TMEM127: variants seen among roughly 807,000 people sequenced by gnomAD.
TMEM127 encodes the protein transmembrane protein 127.
A neutral mutation model predicts 20.1 loss-of-function variants in TMEM127; 21 were observed. The ratio of observed to expected loss-of-function variants is 1.04; its 90% CI spans 0.74 to 1.50. The LOEUF (loss-of-function observed/expected upper bound fraction) is 1.50. Among genes scored for constraint, TMEM127 ranks in the 40% most tolerant of loss-of-function variants. The pLI is 0.00. For missense variants in TMEM127, 303 were observed against 317.4 expected, an observed-to-expected ratio of 0.95 and a Z score of 0.34; for synonymous variants, 150 against 144.7, an observed-to-expected ratio of 1.04 and a Z score of -0.26.
chr2:96,255,085 C>T lies in TMEM127; in HGVS notation c.245-88G>A, dbSNP rs958944529. ...TAGAAGGAGTTTGATTCCCCTCCAC[C>T]ACAGTCCTGGGAGCCAGGGCAGTTC... On this transcript the variant is annotated intron_variant, in intron 2 of 3. Transcript: ENST00000258439. 3 of 1,557,044 alleles carry T rather than the reference C, an allele frequency of 1.9e-6. No homozygotes were observed. The African/African-American group carries it at 4.1e-5, about 21-fold the overall frequency.
In TMEM127 at chr2:96,265,387, G is replaced by A. The variant is rs1684399183; in HGVS notation, c.-6C>T. On this transcript the variant is annotated 5_prime_UTR_variant, in exon 2 of 4. Coordinates refer to ENST00000258439, the MANE Select transcript of TMEM127 (RefSeq NM_017849.4). ...GCGCCTCCGGGGGCGTACATGCCCGGGGCCGCCCGCCGTCGCTCCGCAGTC... is the reference window on the plus strand; with the variant it reads ...GCGCCTCCGGGGGCGTACATGCCCGAGGCCGCCCGCCGTCGCTCCGCAGTC... The A allele has an allele frequency of 2.2e-6, 3 of 1,374,562 alleles. No individual in the cohort carries two copies. The highest frequency in any genetic ancestry group is 2.8e-6 in the Non-Finnish European group (3 of 1,070,296). 85.1% of individuals were successfully genotyped at this position (1,374,562 alleles called of 1,614,324 possible).
rs78586005 is a variant in TMEM127, at chr2:96,255,577, T to C, written c.245-580A>G. Among the ~76,000 whole-genome samples, 335 of 152,302 alleles carry C rather than the reference T, an allele frequency of 2.2e-3. 3 individuals are homozygous for C. Among genetic ancestry groups the C allele is most frequent in the East Asian group, 0.016 (83 of 5,186 alleles). ...CAGTTTATAGAGACAGAAAATATAA[T>C]GGTGGTTGCCAGCAGGTAGGGAGAG... is the stretch of plus-strand genomic sequence containing the variant. On this transcript the variant is annotated intron_variant, in intron 2 of 3. Coordinates refer to ENST00000258439, the MANE Select transcript of TMEM127 (RefSeq NM_017849.4).
chr2:96,265,231 G>T lies in TMEM127; in HGVS notation c.151C>A (p.Pro51Thr). Residue 51 changes from proline to threonine, a missense_variant, in exon 2 of 4, where the codon CCC (proline) becomes ACC (threonine). By Grantham distance (38) the Pro-to-Thr change is conservative (BLOSUM62 -1). Coordinates refer to ENST00000258439, the MANE Select transcript of TMEM127 (RefSeq NM_017849.4). ...CCTCCGTGGATGTGCAACCAGGCGG[G>T]CTCGGCGAGGGCAGTGCACAGCGCC... The part of the protein sequence containing the change: ...ITALCTALAE[P>T]AWLHIHGGTC... The T allele has an allele frequency of 6.2e-7, 1 of 1,601,162 alleles. No homozygotes were observed. Among genetic ancestry groups the T allele is most frequent in the South Asian group, 1.1e-5 (1 of 89,582 alleles).
intron 1 of TMEM127, 44 bp from the exon 2 acceptor site, chr2:96,265,556 CTGACGGAGACGGGGA>C: frequency 1.3e-6 from 1 of 790,512 alleles, no homozygotes; most frequent in African/African-American, 1.8e-5. Context: ...GGACCCGGGG[CTGACGGAGACGGGGA>C]GGGCTGCGGG....
At chr2:96,256,571 C>CAA (rs1234363746) in intron 2 of TMEM127, among the ~76,000 whole-genome samples, 9 of 54,604 alleles carry the variant, frequency 1.6e-4, no homozygotes, top group African/African-American at 2.7e-4. Context: ...AACTCTGTCT[C>CAA]AAAAAAAAAA....
chr2:96,254,841 A>G lies in TMEM127; in HGVS notation c.401T>C (p.Ile134Thr). Residue 134 changes from isoleucine (I) to threonine (T), a missense_variant, in exon 3 of 4, where the codon ATC (isoleucine) becomes ACC (threonine). Transcript: ENST00000258439. ...KITRRYAFAH[I>T]LTVLQCATVI... Reference sequence around the variant, plus strand: ...GCAGGCTCACGGCTTACCCGTTAGGATATGGGCGAAGGCATAGCGACGAGT... The same window carrying G: ...GCAGGCTCACGGCTTACCCGTTAGGGTATGGGCGAAGGCATAGCGACGAGT... 1 of 1,614,100 alleles carries G rather than the reference A, an allele frequency of 6.2e-7. No individual in the cohort carries two copies. Among genetic ancestry groups the G allele is most frequent in the Non-Finnish European group, 8.5e-7 (1 of 1,179,984 alleles).
At chr2:96,255,519 A>G (rs1430445497) in intron 2 of TMEM127, among the ~76,000 whole-genome samples, 5 of 152,232 alleles carry the variant, frequency 3.3e-5, no homozygotes, top group Admixed American at 2.0e-4. Context: ...CAAATATTTT[A>G]TAATTCCACT....
intron 2 of TMEM127, among the ~76,000 whole-genome samples, chr2:96,259,823 C>T (rs1199546817): frequency 2.0e-5 from 3 of 152,244 alleles, no homozygotes; most frequent in Non-Finnish European, 2.9e-5. Flanking sequence ...TCAGCTGACA[C>T]CGTGCCCATG....
rs1684112817 is a variant in TMEM127 at position 96,252,408 on chromosome 2, AG to A, written c.*1399del. 4 of 233,510 alleles carry A rather than the reference AG, an allele frequency of 1.7e-5. No individual in the cohort carries two copies. In the East Asian group the frequency reaches 2.4e-4, roughly 14 times the overall value. The allele number at this position is 233,510 out of a possible 1,614,324, so 14.5% of individuals were successfully genotyped here. On this transcript the variant is annotated 3_prime_UTR_variant, in exon 4 of 4. Transcript: ENST00000258439. The surrounding 1 kb of genome is among the most constrained non-coding windows in gnomAD (Gnocchi z 4.2). ...GGTTGGCCATCTGGATCTACACTGA[AG>A]GTCTTTCAAGTTTCATCCACTTTAT...
chr2:96,263,581 G>A (rs978059260), intron 2 of TMEM127, among the ~76,000 whole-genome samples: 49 of 152,108 alleles, frequency 3.2e-4, no homozygotes, highest in African/African-American at 1.2e-3. Context: ...ACACCAAAGT[G>A]AAATAATTAT....
chr2:96,254,275 T>C (rs1304408004), intron 3 of TMEM127, among the ~76,000 whole-genome samples, 160 bp from the exon 4 acceptor site: 1 of 152,212 alleles, frequency 6.6e-6, no homozygotes, highest in Non-Finnish European at 1.5e-5. Context: ...ATGGGATTCC[T>C]GGCCTGAGGT....
chr2:96,264,419 T>C (rs901742941), intron 2 of TMEM127, among the ~76,000 whole-genome samples: 2 of 152,198 alleles, frequency 1.3e-5, no homozygotes, highest in Admixed American at 1.3e-4. Context: ...TTGGGGTACA[T>C]TGATCATTGT....
In TMEM127 at chr2:96,251,767, AAG is replaced by A. The variant is rs1004183233; in HGVS notation, c.*2039_*2040del. On this transcript the variant is annotated 3_prime_UTR_variant, in exon 4 of 4. Coordinates refer to ENST00000258439, the MANE Select transcript of TMEM127 (RefSeq NM_017849.4). ...TATCAGTGTCAGGATGGCAGAGGGA[AAG>A]AGAAAGAAGAGGAAGGCCAAAGACA... The A allele has an allele frequency of 4.3e-6, 1 of 232,658 alleles. No individual in the cohort carries two copies. Among genetic ancestry groups the A allele is most frequent in the African/African-American group, 2.2e-5 (1 of 45,118 alleles). 14.4% of individuals were successfully genotyped at this position (232,658 alleles called of 1,614,324 possible). A position where few individuals can be genotyped will look rare whatever the true frequency, so the allele number is the denominator to read the frequency against.
At chr2:96,256,069 G>A (rs965869300) in intron 2 of TMEM127, among the ~76,000 whole-genome samples, 8 of 150,166 alleles carry the variant, frequency 5.3e-5, no homozygotes, top group Admixed American at 3.3e-4. Flanking sequence ...TCAGAAGATC[G>A]AGACCATCTT....
chr2:96,262,584 G>A (rs530411781), intron 2 of TMEM127, among the ~76,000 whole-genome samples: 1 of 152,342 alleles, frequency 6.6e-6, no homozygotes, highest in East Asian at 1.9e-4. Flanking sequence ...AGGCAAGCAA[G>A]TAGAAACTAT....
intron 2 of TMEM127, among the ~76,000 whole-genome samples, chr2:96,264,583 A>G (rs1381891668): frequency 6.6e-6 from 1 of 152,114 alleles, no homozygotes; most frequent in African/African-American, 2.4e-5. Flanking sequence ...GAACAAAGCA[A>G]CCTTGCCTCT....
rs1246595894 is a variant in TMEM127 at position 96,252,919 on chromosome 2, C to T, written c.*889G>A. On this transcript the variant is annotated 3_prime_UTR_variant, in exon 4 of 4. Coordinates refer to ENST00000258439, the MANE Select transcript of TMEM127 (RefSeq NM_017849.4). The surrounding 1 kb of genome is among the most constrained non-coding windows in gnomAD (Gnocchi z 4.2). Reference sequence around the variant, plus strand: ...CTGGGAGAGACTCGGGGAGGGACTACCATGGGCTTGGAAGGAGCTACAGCC... The same window carrying T: ...CTGGGAGAGACTCGGGGAGGGACTATCATGGGCTTGGAAGGAGCTACAGCC... 3 of 233,296 alleles carry T rather than the reference C, an allele frequency of 1.3e-5. No individual in the cohort carries two copies. Among genetic ancestry groups the T allele is most frequent in the African/African-American group, 6.6e-5 (3 of 45,316 alleles). The allele number at this position is 233,296 out of a possible 1,614,324, so 14.5% of individuals were successfully genotyped here. A position where few individuals can be genotyped will look rare whatever the true frequency, so the allele number is the denominator to read the frequency against.
rs897899740 is a variant in TMEM127, at chr2:96,252,623, G to A, written c.*1185C>T. On this transcript the variant is annotated 3_prime_UTR_variant, in exon 4 of 4. Coordinates refer to ENST00000258439, the MANE Select transcript of TMEM127 (RefSeq NM_017849.4). The surrounding 1 kb of genome is among the most constrained non-coding windows in gnomAD (Gnocchi z 4.2). ...GCACTGGGTCTGAAGGACACAGCCC[G>A]GCCTGCTGGGCTGACAGTGTGGGTC... 1.2e-4 allele frequency: 28 copies of A among 233,814 alleles called. No homozygotes were observed. The highest frequency in any genetic ancestry group is 6.8e-5 in the Non-Finnish European group (8 of 118,204). The allele number at this position is 233,814 out of a possible 1,614,324, so 14.5% of individuals were successfully genotyped here.
intron 2 of TMEM127, among the ~76,000 whole-genome samples, chr2:96,259,871 G>A (rs1466118323): frequency 6.6e-6 from 1 of 152,256 alleles, no homozygotes; most frequent in African/African-American, 2.4e-5. Context: ...ACCAGAGGCT[G>A]TTTCAGCTGG....
Sources: allele counts gnomAD v4.1 joint callset (sites outside exome capture counted in the v4.1 genomes callset), GRCh38; gene constraint gnomAD v4.1.1; non-coding constraint Gnocchi (gnomAD v3.1); transcripts MANE v1.5; gene names NCBI Gene and HGNC (gene_info 2026-07-23, HGNC 2026-07-21).